Variants in MED27 observed in about 807,000 individuals in gnomAD.
The protein encoded by MED27 is mediator complex subunit 27.
Under a neutral mutation model 38.2 loss-of-function variants are expected in MED27, and 30 were observed. That is an observed-to-expected ratio of 0.79 (90% CI 0.59 to 1.07). MED27 has a LOEUF of 1.07. Among genes scored for constraint, MED27 ranks in the 50% least tolerant of loss-of-function variants. The pLI, the probability that MED27 is intolerant of heterozygous loss-of-function variation, is 0.00. For missense variants in MED27, 289 were observed against 397.5 expected (o/e 0.73, Z 2.32); for synonymous variants, 122 against 153.5 (o/e 0.79, Z 1.52).
chr9:132,021,469 A>C (rs958369917), intron 2 of MED27, among the ~76,000 whole-genome samples: 1 of 152,170 alleles, frequency 6.6e-6, no homozygotes, highest in Non-Finnish European at 1.5e-5. Flanking sequence ...AAGGGAAAAA[A>C]AGGGAAGATG....
intron 5 of MED27, among the ~76,000 whole-genome samples, chr9:131,884,600 CTTTACT>C (rs1384911556): frequency 2.1e-5 from 3 of 144,072 alleles, no homozygotes; most frequent in Non-Finnish European, 4.5e-5. Context: ...CCTTGATTCT[CTTTACT>C]TTTTTTTTTT....
chr9:131,897,509 T>C (rs1210516006), intron 4 of MED27, among the ~76,000 whole-genome samples: 2 of 152,220 alleles, frequency 1.3e-5, no homozygotes, highest in Non-Finnish European at 2.9e-5. Flanking sequence ...GTTATTATTG[T>C]ATGAGATGTG....
intron 4 of MED27, among the ~76,000 whole-genome samples, chr9:131,894,321 A>C (rs1401837135): frequency 6.6e-6 from 1 of 152,222 alleles, no homozygotes; most frequent in African/African-American, 2.4e-5. Context: ...TTCTTTTTCA[A>C]AGGCGAGGAT....
At chr9:132,043,303 T>A (rs1833261340) in intron 2 of MED27, among the ~76,000 whole-genome samples, 1 of 139,738 alleles carries the variant, frequency 7.2e-6, no homozygotes, top group Non-Finnish European at 1.5e-5. Context: ...AGGCTTCTAT[T>A]TTTTTTTTTT....
At chr9:132,031,606 G>A (rs1444778983) in intron 2 of MED27, among the ~76,000 whole-genome samples, 1 of 152,216 alleles carries the variant, frequency 6.6e-6, no homozygotes, top group Admixed American at 6.5e-5. Flanking sequence ...AGGAGTTACA[G>A]TCCAGCCTGA....
rs779053669 is a variant in MED27 at position 132,079,725 on chromosome 9, C to T, written c.120G>A (p.Arg40=). The T allele has an allele frequency of 1.4e-5, 22 of 1,614,010 alleles. No homozygotes were observed. The Middle Eastern group carries it at 8.3e-4, about 61-fold the overall frequency. Residue 40 remains arginine, a synonymous_variant, in exon 1 of 8, where the codon CGG becomes CGA. Coordinates refer to ENST00000292035, the MANE Select transcript of MED27 (RefSeq NM_004269.4). ...RVFDCLKDGM[R]NKETLEGREK... is the part of the protein sequence containing the mutation. ...CCCGGCCCTCCAGCGTCTCCTTGTT[C>T]CGCATCCCATCCTTCAGGCAGTCGA...
chr9:131,893,894 T>G lies in MED27; in HGVS notation c.672A>C (p.Glu224Asp), dbSNP rs765304101. 1.9e-6 allele frequency: 3 copies of G among 1,613,252 alleles called. No individual in the cohort carries two copies. Among genetic ancestry groups the G allele is most frequent in the Non-Finnish European group, 2.5e-6 (3 of 1,179,296 alleles). The stretch of plus-strand genomic sequence containing the variant: ...ACTGCACAATGCTTACCTTGCCATC[T>G]TCTGTGTAGACATTCTCGTTATATC... ...VKGYNENVYT[E>D]DGKLDIWSKS... Residue 224 changes from glutamate (E) to aspartate (D), a missense_variant, in exon 5 of 8, where the codon GAA becomes GAC. Transcript: ENST00000292035.
At chr9:132,043,731 G>T (rs994177498) in intron 2 of MED27, among the ~76,000 whole-genome samples, 1 of 152,116 alleles carries the variant, frequency 6.6e-6, no homozygotes. Flanking sequence ...AAGGTTCTTA[G>T]GGCAAAAGAA....
intron 3 of MED27, among the ~76,000 whole-genome samples, chr9:131,943,015 T>C (rs1271702394): frequency 6.6e-6 from 1 of 152,182 alleles, no homozygotes; most frequent in African/African-American, 2.4e-5. Flanking sequence ...TGTTGTTGTT[T>C]TGTTGTTTCT....
chr9:131,890,479 T>C (rs1049660625), intron 5 of MED27, among the ~76,000 whole-genome samples: 1 of 152,234 alleles, frequency 6.6e-6, no homozygotes, highest in Non-Finnish European at 1.5e-5. Context: ...GCCTGAGGTC[T>C]CCCTTTACTC....
Position 131,877,765 on chromosome 9 carries a change from T to C in MED27, c.723+6293A>G, listed in dbSNP as rs114949589. 4.8e-3 allele frequency among the ~76,000 whole-genome samples: 728 copies of C among 152,266 alleles called. 2 individuals are homozygous for C. Among genetic ancestry groups the C allele is most frequent in the African/African-American group, 0.013 (553 of 41,542 alleles). On this transcript the variant is annotated intron_variant, in intron 6 of 7. Coordinates refer to ENST00000292035, the MANE Select transcript of MED27 (RefSeq NM_004269.4). ...CTTCCCTAGGAGTTGGAATGAGCGA[T>C]AGGTTAGGATTTTTGAATACTATTG... is the stretch of plus-strand genomic sequence containing the variant.
chr9:131,877,832 C>T (rs1380192490), intron 6 of MED27, among the ~76,000 whole-genome samples: 1 of 152,116 alleles, frequency 6.6e-6, no homozygotes, highest in African/African-American at 2.4e-5. Flanking sequence ...ACGTACCCAC[C>T]AACGCAATAT....
intron 5 of MED27, among the ~76,000 whole-genome samples, chr9:131,885,631 AG>A (rs1455580151): frequency 6.6e-6 from 1 of 152,200 alleles, no homozygotes; most frequent in Non-Finnish European, 1.5e-5. Context: ...GGTCACACAC[AG>A]GGTACTTCAG....
At chr9:132,030,459 G>T (rs556123538) in intron 2 of MED27, among the ~76,000 whole-genome samples, 14 of 152,248 alleles carry the variant, frequency 9.2e-5, no homozygotes, top group African/African-American at 3.1e-4. Flanking sequence ...GGGAAGAAAG[G>T]CCAGTCCTTT....
intron 6 of MED27, among the ~76,000 whole-genome samples, chr9:131,870,532 A>T (rs1282527448): frequency 6.6e-6 from 1 of 152,178 alleles, no homozygotes; most frequent in African/African-American, 2.4e-5. Flanking sequence ...TGCCCAAGCC[A>T]AGGAGCTGCT....
intron 2 of MED27, among the ~76,000 whole-genome samples, chr9:132,065,145 G>A (rs569383050): frequency 4.3e-4 from 66 of 152,282 alleles, no homozygotes; most frequent in Non-Finnish European, 7.3e-4. Flanking sequence ...TAGCAAGTGC[G>A]ACCATTTTCT....
intron 2 of MED27, among the ~76,000 whole-genome samples, chr9:132,026,210 C>T (rs1231025648): frequency 1.3e-5 from 2 of 152,210 alleles, no homozygotes; most frequent in East Asian, 3.8e-4. Flanking sequence ...CATCACCAAC[C>T]ACGTCCATCC....
At position 131,860,713 on chromosome 9, in the gene MED27, C is replaced by T. The variant is rs763301953; in HGVS notation, c.802-41G>A. 7 of 1,603,278 alleles carry T rather than the reference C, an allele frequency of 4.4e-6. No individual in the cohort carries two copies. The highest frequency in any genetic ancestry group is 1.1e-5 in the South Asian group (1 of 89,330). On this transcript the variant is annotated intron_variant, in intron 7 of 7. Coordinates refer to ENST00000292035, the MANE Select transcript of MED27 (RefSeq NM_004269.4). The surrounding 1 kb of genome is among the most constrained non-coding windows in gnomAD (Gnocchi z 5.8). The stretch of plus-strand genomic sequence containing the variant: ...AGGAGAGAAGTGAAAGAATGGGATA[C>T]GGGTGCTCCCAAAGTCCTCCTTCCT...
Position 131,913,639 on chromosome 9 carries a change from C to T in MED27, c.574-19647G>A, listed in dbSNP as rs1420824549. On this transcript the variant is annotated intron_variant, in intron 4 of 7. Coordinates refer to ENST00000292035, the MANE Select transcript of MED27 (RefSeq NM_004269.4). The surrounding 1 kb of genome is among the most constrained non-coding windows in gnomAD (Gnocchi z 4.5). ...CGGCTTACCACAGTTGCATCCCTCC[C>T]TCAATGGTCCAGTCATGAAGTCTCT... Among the ~76,000 whole-genome samples the T allele has an allele frequency of 6.6e-6, 1 of 152,186 alleles. No homozygotes were observed. The highest frequency in any genetic ancestry group is 1.5e-5 in the Non-Finnish European group (1 of 68,034).
Sources: allele counts gnomAD v4.1 joint callset (sites outside exome capture counted in the v4.1 genomes callset), GRCh38; gene constraint gnomAD v4.1.1; non-coding constraint Gnocchi (gnomAD v3.1); transcripts MANE v1.5; gene names NCBI Gene and HGNC (gene_info 2026-07-23, HGNC 2026-07-21).